The following ZNF225 variants were observed in gnomAD, a reference collection of about 807,000 sequenced individuals.
ZNF225 encodes zinc finger protein 225.
In ZNF225, 6 loss-of-function variants were observed where a neutral mutation model predicts 12.0. The ratio of observed to expected loss-of-function variants is 0.50; its 90% CI spans 0.27 to 0.98. The LOEUF (loss-of-function observed/expected upper bound fraction) is 0.98. Ranked by LOEUF, ZNF225 falls within the 50% of genes least tolerant of loss-of-function variation. ZNF225 has a pLI of 0.11. For missense variants in ZNF225, 763 were observed against 848.2 expected, an observed-to-expected ratio of 0.90 and a Z score of 1.25; for synonymous variants, 271 against 283.2, an observed-to-expected ratio of 0.96 and a Z score of 0.43.
At chr19:44,120,110 G>C (rs1030463203) in intron 4 of ZNF225, among the ~76,000 whole-genome samples, 1 of 152,056 alleles carries the variant, frequency 6.6e-6, no homozygotes, top group Non-Finnish European at 1.5e-5. Context: ...TCAGTTACTC[G>C]GGAGGCTGAG....
At chr19:44,114,151 A>G (rs1267399695) in intron 1 of ZNF225, 2 of 937,080 alleles carry the variant, frequency 2.1e-6, no homozygotes, top group Admixed American at 4.4e-5. Flanking sequence ...CTCCTTACCC[A>G]GCCCGACCTT....
chr19:44,132,905 A>T lies in ZNF225; in HGVS notation c.*170A>T. 2 of 605,512 alleles carry T rather than the reference A, an allele frequency of 3.3e-6. No individual in the cohort carries two copies. Among genetic ancestry groups the T allele is most frequent in the Non-Finnish European group, 2.7e-6 (1 of 368,364 alleles). 37.5% of individuals were successfully genotyped at this position (605,512 alleles called of 1,614,324 possible). ...GCTATTTGAAAATAATACGTTGTTA[A>T]TTACTGTCACCCTGTAGTGGTGTAA... On this transcript the variant is annotated 3_prime_UTR_variant, in exon 5 of 5. Transcript: ENST00000262894.
chr19:44,131,235 T>C lies in ZNF225; in HGVS notation c.621T>C (p.Asp207=), dbSNP rs1385403032. 6.2e-7 allele frequency: 1 copy of C among 1,614,086 alleles called. No individual in the cohort carries two copies. Among genetic ancestry groups the C allele is most frequent in the Admixed American group, 1.7e-5 (1 of 60,006 alleles). The change falls in exon 5 of 5, where the codon GAT becomes GAC. Residue 207 remains aspartate (D), a synonymous_variant. Transcript: ENST00000262894. The stretch of plus-strand genomic sequence containing the variant: ...TGGGGGAGAAACTCTATAATTGTGA[T>C]GTGTGTGGTAAGGAATTCAATCAGA... ...VHMGEKLYNC[D]VCGKEFNQSS...
At chr19:44,126,562 G>C (rs1163166173) in intron 4 of ZNF225, among the ~76,000 whole-genome samples, 1 of 152,130 alleles carries the variant, frequency 6.6e-6, no homozygotes, top group Non-Finnish European at 1.5e-5. Context: ...AGCTGTGGTA[G>C]TATGGAGAGG....
At chr19:44,128,030 G>A (rs1968182599) in intron 4 of ZNF225, among the ~76,000 whole-genome samples, 1 of 152,178 alleles carries the variant, frequency 6.6e-6, no homozygotes, top group Non-Finnish European at 1.5e-5. Context: ...ATTCTCTGAT[G>A]TCTCAGAAAA....
In ZNF225 at chr19:44,130,971, A is replaced by G. The variant is rs956978581; in HGVS notation, c.357A>G (p.Val119=). 10 of 1,613,984 alleles carry G rather than the reference A, an allele frequency of 6.2e-6. No individual in the cohort carries two copies. The African/African-American group carries it at 1.2e-4, about 19-fold the overall frequency. Reference sequence around the variant, plus strand: ...TAACCAGGTTTCAAGACTCCATGGTAAACAGCTTTCAGTTCTCCAAACAAG... The same window carrying G: ...TAACCAGGTTTCAAGACTCCATGGTGAACAGCTTTCAGTTCTCCAAACAAG... ...SDLTRFQDSM[V]NSFQFSKQDD... The change falls in exon 5 of 5, where the codon GTA becomes GTG. Residue 119 remains valine (V), a synonymous_variant. Coordinates refer to ENST00000262894, the MANE Select transcript of ZNF225 (RefSeq NM_013362.4).
At position 44,121,841 on chromosome 19, in the gene ZNF225, G is replaced by C. The variant is rs148903303; in HGVS notation, c.235+3267G>C. On this transcript the variant is annotated intron_variant, in intron 4 of 4. Transcript: ENST00000262894. The stretch of plus-strand genomic sequence containing the variant: ...TCTTAGCCCACTTTTTGATGGGGTT[G>C]TTTGGTTTTTTTCTTACTGATTTGT... Among the ~76,000 whole-genome samples the C allele has an allele frequency of 2.6e-3, 392 of 152,244 alleles. 2 individuals are homozygous for C. Among genetic ancestry groups the C allele is most frequent in the African/African-American group, 7.9e-3 (327 of 41,552 alleles).
Position 44,129,122 on chromosome 19 carries a change from A to G in ZNF225, c.236-1728A>G, listed in dbSNP as rs950847266. 5.7e-6 allele frequency: 7 copies of G among 1,230,238 alleles called. No individual in the cohort carries two copies. The African/African-American group carries it at 9.3e-5, about 16-fold the overall frequency. 76.2% of individuals were successfully genotyped at this position (1,230,238 alleles called of 1,614,324 possible). On this transcript the variant is annotated intron_variant, in intron 4 of 4. Transcript: ENST00000262894. ...AGGTAACCAAGTTATTGTTCATATC[A>G]GTACAGACAAATGAGATTATACATG...
chr19:44,112,548 A>C (rs1424028829), upstream of ZNF225, among the ~76,000 whole-genome samples: 1 of 152,194 alleles, frequency 6.6e-6, no homozygotes, highest in Non-Finnish European at 1.5e-5. Flanking sequence ...TTTAAATAAT[A>C]AAACGACCAC....
chr19:44,133,048 G>A lies in ZNF225; in HGVS notation c.*313G>A, dbSNP rs1968321123. 5.1e-6 allele frequency: 1 copy of A among 194,916 alleles called. No homozygotes were observed. Among genetic ancestry groups the A allele is most frequent in the Non-Finnish European group, 1.1e-5 (1 of 94,376 alleles). The allele number at this position is 194,916 out of a possible 1,614,324, so 12.1% of individuals were successfully genotyped here. A position where few individuals can be genotyped will look rare whatever the true frequency, so the allele number is the denominator to read the frequency against. ...CTATTCTACTCTCTACTTCTATGAA[G>A]TTAACTTTTTGAGCTTCCACATATG... On this transcript the variant is annotated 3_prime_UTR_variant, in exon 5 of 5. Transcript: ENST00000262894.
At chr19:44,130,036 G>A (rs1020194647) in intron 4 of ZNF225, 1 of 152,166 alleles carries the variant, frequency 6.6e-6, no homozygotes, top group Admixed American at 6.5e-5. Context: ...TTTCTACCAA[G>A]TATTTCACAT....
At chr19:44,111,449 ACAAAAAACAAC>A (rs1967829376), upstream of ZNF225, among the ~76,000 whole-genome samples, 1 of 152,242 alleles carries the variant, frequency 6.6e-6, no homozygotes, top group Non-Finnish European at 1.5e-5. Context: ...CAAAAAACAA[ACAAAAAACAAC>A]CAAAACTGAA....
Position 44,131,472 on chromosome 19 carries a change from GC to G in ZNF225, c.860del (p.Pro287HisfsTer41). ...ATCAAAGAATCCATACTGGGGAGAA[GC>G]CATTCAAATGTGATATATGTTGTAA... The part of the protein sequence containing the change: ...EHQRIHTGEK[P>X]FKCDICCKSF... On this transcript the variant is annotated frameshift_variant, in exon 5 of 5. Transcript: ENST00000262894. LOFTEE classifies it low-confidence loss of function (END_TRUNC). The G allele has an allele frequency of 6.2e-7, 1 of 1,614,170 alleles. No homozygotes were observed. The highest frequency in any genetic ancestry group is 8.5e-7 in the Non-Finnish European group (1 of 1,180,020).
chr19:44,127,003 G>T (rs1968161151), intron 4 of ZNF225, among the ~76,000 whole-genome samples: 1 of 152,238 alleles, frequency 6.6e-6, no homozygotes, highest in Non-Finnish European at 1.5e-5. Flanking sequence ...GTCTTCCCCT[G>T]CCTGTGAGTC....
intron 4 of ZNF225, among the ~76,000 whole-genome samples, chr19:44,124,783 T>A (rs1968116987): frequency 6.6e-6 from 1 of 152,224 alleles, no homozygotes; most frequent in African/African-American, 2.4e-5. Flanking sequence ...CTTTGTCTCT[T>A]TTAACTGCTG....
At chr19:44,113,813 G>A (rs1967880254) in intron 1 of ZNF225, among the ~76,000 whole-genome samples, 1 of 152,202 alleles carries the variant, frequency 6.6e-6, no homozygotes, top group South Asian at 2.1e-4. Context: ...AGTTCTTTAA[G>A]ATGGGGAGTT....
rs1968279143 is a variant in ZNF225, at chr19:44,132,089, G to T, written c.1475G>T (p.Arg492Ile). ...TTTAAATGTGAAGAATGTGGGAAAA[G>T]ATTTACTCAGAATTCACAACTTTAT... ...KPFKCEECGK[R>I]FTQNSQLYTH... Residue 492 changes from arginine to isoleucine, a missense_variant, in exon 5 of 5, where the codon AGA becomes ATA. By Grantham distance (97) the Arg-to-Ile change is moderately conservative. Transcript: ENST00000262894. The T allele has an allele frequency of 6.2e-7, 1 of 1,614,066 alleles. No individual in the cohort carries two copies. The highest frequency in any genetic ancestry group is 8.5e-7 in the Non-Finnish European group (1 of 1,179,988).
Position 44,132,736 on chromosome 19 carries a change from CTG to C in ZNF225, c.*3_*4del, listed in dbSNP as rs1968312646. On this transcript the variant is annotated 3_prime_UTR_variant, in exon 5 of 5. Transcript: ENST00000262894. Reference sequence around the variant, plus strand: ...GTCATTATTTTTAAATGACACATAACTGTTGTACTCATTTATGGGGTACAGTG... The same window carrying C: ...GTCATTATTTTTAAATGACACATAACTTGTACTCATTTATGGGGTACAGTG... The C allele has an allele frequency of 1.3e-6, 2 of 1,573,566 alleles. No individual in the cohort carries two copies. Among genetic ancestry groups the C allele is most frequent in the African/African-American group, 2.7e-5 (2 of 73,642 alleles).
At chr19:44,119,839 C>G (rs1001162650) in intron 4 of ZNF225, among the ~76,000 whole-genome samples, 6 of 152,200 alleles carry the variant, frequency 3.9e-5, no homozygotes, top group Non-Finnish European at 8.8e-5. Context: ...AATACTCTTT[C>G]ACCTCAAAAC....
Sources: gnomAD v4.1 joint callset for allele counts (sites outside exome capture counted in the v4.1 genomes callset) on GRCh38, gnomAD v4.1.1 for gene constraint, MANE v1.5 for transcripts, NCBI Gene and HGNC (gene_info 2026-07-23, HGNC 2026-07-21) for gene names.